The following DGKB variants were observed in gnomAD, a reference collection of about 807,000 sequenced individuals.
DGKB encodes the protein diacylglycerol kinase beta.
In DGKB, 67 loss-of-function variants were observed where a neutral mutation model predicts 114.3. The ratio of observed to expected loss-of-function variants is 0.59; its 90% CI spans 0.48 to 0.72. The LOEUF is 0.72. DGKB is among the 30% of genes least tolerant of loss of function. The pLI is 0.00. For synonymous variants in DGKB, 398 were observed against 323.1 expected, an observed-to-expected ratio of 1.23 and a Z score of -2.49; for missense variants, 907 against 975.2, an observed-to-expected ratio of 0.93 and a Z score of 0.93.
At chr7:14,859,787 C>A (rs1850707594) in intron 1 of DGKB, among the ~76,000 whole-genome samples, 1 of 152,026 alleles carries the variant, frequency 6.6e-6, no homozygotes, top group South Asian at 2.1e-4. Context: ...TGACTAAATG[C>A]AAATATCTGA....
chr7:14,627,194 T>C (rs1808744022), intron 14 of DGKB, among the ~76,000 whole-genome samples: 1 of 152,224 alleles, frequency 6.6e-6, no homozygotes, highest in African/African-American at 2.4e-5. Context: ...TTTAACATCC[T>C]GTACTTTATT....
chr7:14,550,685 A>T (rs1360077634), intron 20 of DGKB, among the ~76,000 whole-genome samples: 2 of 152,164 alleles, frequency 1.3e-5, no homozygotes, highest in African/African-American at 4.8e-5. Context: ...CAATTTCTCA[A>T]ATGTAAACTC....
intron 22 of DGKB, among the ~76,000 whole-genome samples, chr7:14,341,179 G>T (rs1811548232): frequency 6.6e-6 from 1 of 151,790 alleles, no homozygotes; most frequent in South Asian, 2.1e-4. Flanking sequence ...GACTGATGAA[G>T]AACATTGATG....
At chr7:14,753,312 T>C (rs1450070894) in intron 4 of DGKB, among the ~76,000 whole-genome samples, 5 of 152,178 alleles carry the variant, frequency 3.3e-5, no homozygotes, top group South Asian at 2.1e-4. Context: ...TGATTAAAAA[T>C]GTCCATTTAG....
chr7:14,929,579 G>A (rs1023258830), intron 1 of DGKB, among the ~76,000 whole-genome samples: 4 of 151,708 alleles, frequency 2.6e-5, no homozygotes, highest in African/African-American at 4.8e-5. Flanking sequence ...TATTTGTTTC[G>A]TTGTTGTTGA....
chr7:14,933,391 A>C (rs970323056), intron 1 of DGKB, among the ~76,000 whole-genome samples: 1 of 152,122 alleles, frequency 6.6e-6, no homozygotes, highest in African/African-American at 2.4e-5. Flanking sequence ...GGGCCTATAA[A>C]AATTCTCCCT....
intron 19 of DGKB, among the ~76,000 whole-genome samples, chr7:14,580,383 A>C (rs1024230182): frequency 5.9e-5 from 9 of 152,010 alleles, no homozygotes; most frequent in Non-Finnish European, 7.4e-5. Flanking sequence ...TCTTTTGTCA[A>C]CTCTGTATCC....
chr7:14,863,165 ATGT>A (rs1345984405), intron 1 of DGKB, among the ~76,000 whole-genome samples: 1 of 151,582 alleles, frequency 6.6e-6, no homozygotes, highest in East Asian at 1.9e-4. Flanking sequence ...AATTTTAGAG[ATGT>A]TGTGAAACTT....
At chr7:14,944,457 A>C (rs1308639292) in intron 1 of DGKB, among the ~76,000 whole-genome samples, 1 of 152,098 alleles carries the variant, frequency 6.6e-6, no homozygotes, top group African/African-American at 2.4e-5. Flanking sequence ...GAAAATTAGA[A>C]GTTCATAATC....
chr7:14,938,074 T>G (rs1562889088), intron 1 of DGKB, among the ~76,000 whole-genome samples: 1 of 152,206 alleles, frequency 6.6e-6, no homozygotes, highest in African/African-American at 2.4e-5. Flanking sequence ...ATACATTGTT[T>G]AAGTGTCAAT....
At chr7:14,706,959 C>G (rs1033659479) in intron 6 of DGKB, among the ~76,000 whole-genome samples, 1 of 146,716 alleles carries the variant, frequency 6.8e-6, no homozygotes, top group African/African-American at 2.5e-5. Flanking sequence ...CAAGAAATAA[C>G]TAAAATCAGA....
rs59838670 is a variant in DGKB at position 14,704,279 on chromosome 7, C to CAA, written c.467-2551_467-2550dup. ...TGAAACCCCGTCTCTACTAAAAATACAAAAAAAAAAAAAAAAAAATTAGCC... is the reference window on the plus strand; with the variant it reads ...TGAAACCCCGTCTCTACTAAAAATACAAAAAAAAAAAAAAAAAAAAATTAGCC... On this transcript the variant is annotated intron_variant, in intron 6 of 25. Transcript: ENST00000402815. Among the ~76,000 whole-genome samples, 183 of 103,586 alleles carry CAA rather than the reference C, an allele frequency of 1.8e-3. 1 individual carries two copies. Among genetic ancestry groups the CAA allele is most frequent in the African/African-American group, 6.0e-3 (175 of 29,154 alleles). 68.0% of individuals were successfully genotyped at this position (103,586 alleles called of 152,430 possible).
At chr7:14,477,552 C>G (rs1019124411) in intron 21 of DGKB, among the ~76,000 whole-genome samples, 3 of 152,110 alleles carry the variant, frequency 2.0e-5, no homozygotes, top group Non-Finnish European at 2.9e-5. Flanking sequence ...AGATACGGAA[C>G]CAAGGCTTTC....
At chr7:14,448,171 A>G (rs1830983680) in intron 21 of DGKB, among the ~76,000 whole-genome samples, 1 of 152,114 alleles carries the variant, frequency 6.6e-6, no homozygotes, top group African/African-American at 2.4e-5. Flanking sequence ...AATTACAAAA[A>G]TAATAGAAGA....
intron 6 of DGKB, among the ~76,000 whole-genome samples, chr7:14,701,932 G>A (rs1825268270): frequency 2.0e-5 from 3 of 152,096 alleles, no homozygotes. Flanking sequence ...ATAGCATAAA[G>A]TCTATCAAAT....
chr7:14,562,172 G>A (rs1446031041), intron 20 of DGKB, among the ~76,000 whole-genome samples: 1 of 152,238 alleles, frequency 6.6e-6, no homozygotes, highest in South Asian at 2.1e-4. Context: ...CTTCCACATG[G>A]TGTTGAGCCT....
chr7:14,243,606 C>G (rs1451953258), intron 23 of DGKB, among the ~76,000 whole-genome samples: 1 of 152,082 alleles, frequency 6.6e-6, no homozygotes, highest in Non-Finnish European at 1.5e-5. Context: ...ATATGTGAGA[C>G]TGTCTCTTTT....
chr7:14,910,313 A>C lies in DGKB; in HGVS notation c.-188+64383T>G, dbSNP rs146788623. 5.6e-3 allele frequency among the ~76,000 whole-genome samples: 815 copies of C among 144,472 alleles called. 4 individuals carry two copies. The highest frequency in any genetic ancestry group is 0.017 in the African/African-American group (654 of 39,164). 94.8% of individuals were successfully genotyped at this position (144,472 alleles called of 152,430 possible). On this transcript the variant is annotated intron_variant, in intron 1 of 4. Transcript: ENST00000437998. ...AAGAAAGAAAGAAAGAAAGAAAGAA[A>C]GAACCTTATATATTAGGAGAAGGCA... is the stretch of plus-strand genomic sequence containing the variant.
chr7:14,450,549 A>G lies in DGKB; in HGVS notation c.1835+27612T>C, dbSNP rs150269707. ...AATCATGGGATTAGAGAGACAAGAG[A>G]TTGGATATCAGGATTGGTCCCCTTA... On this transcript the variant is annotated intron_variant, in intron 21 of 25. Coordinates refer to ENST00000402815, the MANE Select transcript of DGKB (RefSeq NM_001350709.2). Among the ~76,000 whole-genome samples, 6 of 152,202 alleles carry G rather than the reference A, an allele frequency of 3.9e-5. No individual in the cohort carries two copies. In the East Asian group the frequency reaches 9.7e-4, roughly 25 times the overall value.
Sources: gnomAD v4.1 joint callset for allele counts (sites outside exome capture counted in the v4.1 genomes callset) on GRCh38, gnomAD v4.1.1 for gene constraint, MANE v1.5 for transcripts, NCBI Gene and HGNC (gene_info 2026-07-23, HGNC 2026-07-21) for gene names.